The following GALNTL6 variants were observed in gnomAD, a reference collection of about 807,000 sequenced individuals.
GALNTL6 encodes polypeptide N-acetylgalactosaminyltransferase-like 6.
A neutral mutation model predicts 73.7 loss-of-function variants in GALNTL6; 46 were observed. That is an observed-to-expected ratio of 0.62 (90% CI 0.49 to 0.80). The LOEUF is 0.80. Among genes scored for constraint, GALNTL6 ranks in the 30% least tolerant of loss-of-function variants. GALNTL6 has a pLI of 0.00. For missense variants in GALNTL6, 604 were observed against 755.0 expected, an observed-to-expected ratio of 0.80 and a Z score of 2.34; for synonymous variants, 259 against 263.7, an observed-to-expected ratio of 0.98 and a Z score of 0.17.
intron 2 of GALNTL6, among the ~76,000 whole-genome samples, chr4:171,956,253 C>T (rs765181984): frequency 5.9e-5 from 9 of 152,170 alleles, no homozygotes; most frequent in Non-Finnish European, 1.2e-4. Context: ...AATCTGCCCA[C>T]TCTCAACCTT....
At chr4:172,056,953 T>C (rs1020933914) in intron 2 of GALNTL6, among the ~76,000 whole-genome samples, 5 of 152,198 alleles carry the variant, frequency 3.3e-5, no homozygotes, top group Admixed American at 2.0e-4. Flanking sequence ...AAAATTAAAA[T>C]ATTTTAATGT....
intron 5 of GALNTL6, among the ~76,000 whole-genome samples, chr4:172,520,956 G>T (rs1317029467): frequency 6.6e-6 from 1 of 152,008 alleles, no homozygotes; most frequent in Non-Finnish European, 1.5e-5. Context: ...TCAAGAACTT[G>T]TTAGTCAAAA....
intron 3 of GALNTL6, among the ~76,000 whole-genome samples, chr4:172,264,481 T>C (rs1410235072): frequency 6.9e-6 from 1 of 144,666 alleles, no homozygotes; most frequent in Non-Finnish European, 1.5e-5. Flanking sequence ...TATATATATA[T>C]ATATATTTAT....
intron 10 of GALNTL6, among the ~76,000 whole-genome samples, chr4:172,974,272 A>T (rs1750711467): frequency 6.6e-6 from 1 of 152,152 alleles, no homozygotes; most frequent in Non-Finnish European, 1.5e-5. Flanking sequence ...ATGAGACAAG[A>T]TGCTGTATAA....
chr4:172,963,179 C>T (rs1174703681), intron 10 of GALNTL6, among the ~76,000 whole-genome samples: 1 of 152,152 alleles, frequency 6.6e-6, no homozygotes, highest in Non-Finnish European at 1.5e-5. Context: ...AGCACCTTTG[C>T]ATTTACTATT....
At chr4:172,951,975 A>T in intron 9 of GALNTL6, 62 bp from the exon 10 acceptor site, 3 of 1,401,722 alleles carry the variant, frequency 2.1e-6, no homozygotes, top group Non-Finnish European at 3.0e-6. Context: ...TTCTGGTGCA[A>T]CAAAAAACAC....
intron 2 of GALNTL6, among the ~76,000 whole-genome samples, chr4:172,210,329 A>G (rs1736281453): frequency 6.6e-6 from 1 of 152,056 alleles, no homozygotes; most frequent in South Asian, 2.1e-4. Context: ...TGTAGTATTT[A>G]TATATCTTTA....
At chr4:171,929,069 A>G (rs139123031) in intron 2 of GALNTL6, among the ~76,000 whole-genome samples, 165 of 152,056 alleles carry the variant, frequency 1.1e-3, no homozygotes, top group Non-Finnish European at 2.1e-3. Context: ...TTTTACTGTT[A>G]TTATTATTAT....
chr4:172,886,535 G>A (rs1320049612), intron 8 of GALNTL6, among the ~76,000 whole-genome samples: 8 of 152,196 alleles, frequency 5.3e-5, no homozygotes, highest in Admixed American at 6.5e-5. Context: ...GGAGGCCAAG[G>A]CTGGCGGATC....
At chr4:172,423,471 T>A (rs748754877) in intron 5 of GALNTL6, among the ~76,000 whole-genome samples, 4 of 151,974 alleles carry the variant, frequency 2.6e-5, no homozygotes, top group Non-Finnish European at 5.9e-5. Flanking sequence ...ACCTGCCAAG[T>A]GCATTCCTGA....
chr4:172,834,183 G>A (rs1742786726), intron 7 of GALNTL6, among the ~76,000 whole-genome samples: 1 of 152,162 alleles, frequency 6.6e-6, no homozygotes, highest in South Asian at 2.1e-4. Context: ...CAAGAGGAAA[G>A]ACATCTCACT....
chr4:172,420,418 C>T (rs1332364483), intron 5 of GALNTL6, among the ~76,000 whole-genome samples: 1 of 152,134 alleles, frequency 6.6e-6, no homozygotes, highest in African/African-American at 2.4e-5. Context: ...TACACAAGCA[C>T]CACATGGTAG....
intron 5 of GALNTL6, among the ~76,000 whole-genome samples, chr4:172,729,131 C>A (rs1481340266): frequency 6.6e-6 from 1 of 151,852 alleles, no homozygotes; most frequent in African/African-American, 2.4e-5. Flanking sequence ...GTTATTAATC[C>A]CCTTTCAGAT....
chr4:172,896,696 AG>A (rs1366079962), intron 8 of GALNTL6, among the ~76,000 whole-genome samples: 1 of 152,096 alleles, frequency 6.6e-6, no homozygotes, highest in African/African-American at 2.4e-5. Flanking sequence ...CTCCACAGAT[AG>A]GATAGTTCCC....
At chr4:172,146,674 T>G (rs1004741160) in intron 2 of GALNTL6, among the ~76,000 whole-genome samples, 2 of 152,236 alleles carry the variant, frequency 1.3e-5, no homozygotes, top group Non-Finnish European at 2.9e-5. Context: ...TGGTTTATTA[T>G]GCTTTGTCTA....
intron 2 of GALNTL6, among the ~76,000 whole-genome samples, chr4:171,983,781 A>C (rs965024595): frequency 6.6e-6 from 1 of 152,102 alleles, no homozygotes; most frequent in South Asian, 2.1e-4. Flanking sequence ...TACCCTGGAT[A>C]GCTTCTTGGC....
intron 5 of GALNTL6, among the ~76,000 whole-genome samples, chr4:172,466,862 A>G (rs1171639894): frequency 6.6e-6 from 1 of 152,138 alleles, no homozygotes; most frequent in African/African-American, 2.4e-5. Context: ...TCATCTCAGT[A>G]TGCTTATAGA....
chr4:171,904,677 C>T (rs1361334693), intron 2 of GALNTL6, among the ~76,000 whole-genome samples: 3 of 152,016 alleles, frequency 2.0e-5, no homozygotes, highest in South Asian at 2.1e-4. Context: ...AGAGCAACTC[C>T]AAGACACATA....
chr4:172,842,885 C>G (rs1743290731), intron 7 of GALNTL6, among the ~76,000 whole-genome samples: 1 of 151,994 alleles, frequency 6.6e-6, no homozygotes, highest in South Asian at 2.1e-4. Flanking sequence ...GAGGGAACAG[C>G]GGCTCCAACA....
Sources: gnomAD v4.1 joint callset for allele counts (sites outside exome capture counted in the v4.1 genomes callset) on GRCh38, gnomAD v4.1.1 for gene constraint, MANE v1.5 for transcripts, NCBI Gene and HGNC (gene_info 2026-07-23, HGNC 2026-07-21) for gene names.